The following TTLL7 variants were observed in gnomAD, a reference collection of about 807,000 sequenced individuals.
The protein encoded by TTLL7 is tubulin polyglutamylase TTLL7.
A neutral mutation model predicts 120.2 loss-of-function variants in TTLL7; 53 were observed. That is an observed-to-expected ratio of 0.44 (90% confidence interval 0.35 to 0.55). The LOEUF is 0.55. Ranked by LOEUF, TTLL7 falls within the 20% of genes least tolerant of loss-of-function variation. The pLI is 0.00. For synonymous variants in TTLL7, 353 were observed against 351.7 expected, an observed-to-expected ratio of 1.00 and a Z score of -0.04; for missense variants, 803 against 1,054.7, an observed-to-expected ratio of 0.76 and a Z score of 3.31.
intron 17 of TTLL7, among the ~76,000 whole-genome samples, chr1:83,905,466 GCA>G (rs1435500699): frequency 6.6e-6 from 1 of 150,872 alleles, no homozygotes; most frequent in Non-Finnish European, 1.5e-5. Context: ...AATGCCAAGT[GCA>G]TGGCTGTAGT....
At chr1:83,975,132 G>A (rs142724454) in intron 1 of TTLL7, among the ~76,000 whole-genome samples, 2 of 152,132 alleles carry the variant, frequency 1.3e-5, no homozygotes, top group East Asian at 1.9e-4. Flanking sequence ...TTATTCAAGG[G>A]AACAAGACAT....
chr1:83,935,896 T>C (rs181038492), intron 8 of TTLL7, among the ~76,000 whole-genome samples: 2 of 152,238 alleles, frequency 1.3e-5, no homozygotes, highest in East Asian at 3.9e-4. Flanking sequence ...TTCAAATAAT[T>C]ACATAAATGC....
intron 1 of TTLL7, among the ~76,000 whole-genome samples, chr1:83,997,504 A>G (rs1415525473): frequency 3.9e-5 from 6 of 152,192 alleles, no homozygotes; most frequent in Non-Finnish European, 8.8e-5. Flanking sequence ...TTTTACTACA[A>G]CACTCATATT....
At chr1:83,950,531 C>A (rs1035235067) in intron 3 of TTLL7, among the ~76,000 whole-genome samples, 3 of 152,160 alleles carry the variant, frequency 2.0e-5, no homozygotes, top group African/African-American at 4.8e-5. Context: ...CTGCTCCCAA[C>A]CCTCTAATCC....
intron 18 of TTLL7, among the ~76,000 whole-genome samples, chr1:83,892,274 ATAT>A (rs1442495256): frequency 5.1e-5 from 4 of 78,910 alleles, no homozygotes; most frequent in Non-Finnish European, 1.0e-4. Flanking sequence ...ATACGAATAT[ATAT>A]GAATATATAT....
At chr1:83,892,597 A>AATGAACATATAT (rs1233809460) in intron 18 of TTLL7, among the ~76,000 whole-genome samples, 2 of 120,186 alleles carry the variant, frequency 1.7e-5, no homozygotes, top group African/African-American at 3.1e-5. Flanking sequence ...TGAACATATG[A>AATGAACATATAT]ATGAACATAT....
intron 1 of TTLL7, among the ~76,000 whole-genome samples, chr1:83,990,467 G>T (rs182965777): frequency 6.6e-6 from 1 of 152,144 alleles, no homozygotes; most frequent in Admixed American, 6.5e-5. Context: ...GAGCCACCGC[G>T]CCCGGCCTGG....
At chr1:83,956,777 A>G (rs1177591643) in intron 1 of TTLL7, among the ~76,000 whole-genome samples, 1 of 152,188 alleles carries the variant, frequency 6.6e-6, no homozygotes, top group Non-Finnish European at 1.5e-5. Flanking sequence ...AGAAGTTTAC[A>G]TATTACACTG....
At chr1:83,971,534 G>T (rs1650983822) in intron 1 of TTLL7, among the ~76,000 whole-genome samples, 1 of 152,030 alleles carries the variant, frequency 6.6e-6, no homozygotes. Context: ...GTTGGAGAAT[G>T]ATCCATACAT....
chr1:83,935,749 A>G (rs1647320916), intron 8 of TTLL7, among the ~76,000 whole-genome samples: 1 of 152,164 alleles, frequency 6.6e-6, no homozygotes, highest in Non-Finnish European at 1.5e-5. Flanking sequence ...TTGTAAACTA[A>G]GACATCAAGA....
At chr1:83,870,358 A>G (rs1446857954) in intron 20 of TTLL7, among the ~76,000 whole-genome samples, 1 of 152,186 alleles carries the variant, frequency 6.6e-6, no homozygotes. Flanking sequence ...TTAATTTAGA[A>G]TTCATTATCA....
intron 18 of TTLL7, among the ~76,000 whole-genome samples, chr1:83,891,837 C>CCCT (rs397723754): frequency 1.3e-5 from 2 of 150,836 alleles, no homozygotes; most frequent in East Asian, 2.0e-4. Flanking sequence ...TGATACCACC[C>CCCT]TTTTTTTTGA....
intron 15 of TTLL7, among the ~76,000 whole-genome samples, chr1:83,909,055 CT>C (rs79076935): frequency 0.015 from 2,123 of 141,854 alleles, 36 homozygotes; most frequent in African/African-American, 0.041. Flanking sequence ...ACTGGTCAAT[CT>C]TTTTTTTTTT....
At chr1:83,977,244 A>C (rs1425742912) in intron 1 of TTLL7, among the ~76,000 whole-genome samples, 1 of 152,080 alleles carries the variant, frequency 6.6e-6, no homozygotes, top group African/African-American at 2.4e-5. Flanking sequence ...AAATTTACTT[A>C]GCATTAGAAG....
At chr1:83,936,069 T>C in intron 8 of TTLL7, among the ~76,000 whole-genome samples, 1 of 152,176 alleles carries the variant, frequency 6.6e-6, no homozygotes. Context: ...CAGAGATTAA[T>C]AGGCCCACAT....
At chr1:83,963,577 A>G (rs1221464787) in intron 1 of TTLL7, among the ~76,000 whole-genome samples, 1 of 152,102 alleles carries the variant, frequency 6.6e-6, no homozygotes, top group Non-Finnish European at 1.5e-5. Flanking sequence ...TTACTTCAAA[A>G]TTTCCTTGCA....
chr1:83,908,840 T>C (rs1657437385), intron 15 of TTLL7, among the ~76,000 whole-genome samples: 1 of 152,028 alleles, frequency 6.6e-6, no homozygotes, highest in African/African-American at 2.4e-5. Flanking sequence ...ATAAAGGGAA[T>C]AGACATAAGC....
chr1:83,884,396 A>C lies in TTLL7; in HGVS notation c.2370-1260T>G, dbSNP rs80249864. 4.2e-3 allele frequency among the ~76,000 whole-genome samples: 588 copies of C among 140,652 alleles called. 2 individuals are homozygous for C. The highest frequency in any genetic ancestry group is 0.015 in the African/African-American group (525 of 35,574). The allele number at this position is 140,652 out of a possible 152,430, so 92.3% of individuals were successfully genotyped here. A position where few individuals can be genotyped will look rare whatever the true frequency, so the allele number is the denominator to read the frequency against. On this transcript the variant is annotated intron_variant, in intron 19 of 20. Transcript: ENST00000260505. ...TCAACCTTCTGTGGATATTTGATAT[A>C]TTTTGAATTCTTAAAAAAATGCCTT...
At chr1:83,873,552 C>T (rs768693675) in intron 20 of TTLL7, among the ~76,000 whole-genome samples, 5 of 152,008 alleles carry the variant, frequency 3.3e-5, no homozygotes, top group Non-Finnish European at 7.4e-5. Context: ...ATGGCTAACT[C>T]ATTGCTAACT....
Sources: allele counts gnomAD v4.1 joint callset (sites outside exome capture counted in the v4.1 genomes callset), GRCh38; gene constraint gnomAD v4.1.1; transcripts MANE v1.5; gene names NCBI Gene and HGNC (gene_info 2026-07-23, HGNC 2026-07-21).